Variants in LRRCC1 observed in about 807,000 individuals in gnomAD.
LRRCC1 encodes leucine-rich repeat and coiled-coil domain-containing protein 1.
Under a neutral mutation model 126.0 loss-of-function variants are expected in LRRCC1, and 115 were observed. The ratio of observed to expected loss-of-function variants is 0.91; its 90% CI spans 0.78 to 1.07. LRRCC1 has a LOEUF of 1.07. Ranked by LOEUF, LRRCC1 falls within the 50% of genes least tolerant of loss-of-function variation. LRRCC1 has a pLI of 0.00. For synonymous variants in LRRCC1, 400 were observed against 393.4 expected, an observed-to-expected ratio of 1.02 and a Z score of -0.20; for missense variants, 1,172 against 1,175.7, an observed-to-expected ratio of 1.00 and a Z score of 0.05.
At chr8:85,140,524 A>G (rs929706288) in intron 17 of LRRCC1, among the ~76,000 whole-genome samples, 7 of 152,180 alleles carry the variant, frequency 4.6e-5, no homozygotes, top group Non-Finnish European at 1.5e-5. Flanking sequence ...CTTTTTATGA[A>G]TGTTACTTTT....
chr8:85,132,662 G>A (rs1810571151), intron 12 of LRRCC1, among the ~76,000 whole-genome samples: 1 of 152,088 alleles, frequency 6.6e-6, no homozygotes, highest in Admixed American at 6.5e-5. Flanking sequence ...CAAAGTCCTG[G>A]GATTACAGGC....
chr8:85,135,563 A>T (rs1240077378), intron 13 of LRRCC1, among the ~76,000 whole-genome samples: 4 of 152,138 alleles, frequency 2.6e-5, no homozygotes, highest in African/African-American at 7.2e-5. Context: ...TCTCTTTAAC[A>T]ATTTTAGAAT....
chr8:85,132,375 C>CTTTTT lies in LRRCC1; in HGVS notation c.1968+438_1968+442dup, dbSNP rs551423793. ...TTACAAAAGCACAGTTGAGTACTTT[C>CTTTTT]TTTTTTTTTTTTTTTTTTTTTTTTT... On this transcript the variant is annotated intron_variant, in intron 12 of 18. Transcript: ENST00000360375. 5.0e-3 allele frequency among the ~76,000 whole-genome samples: 552 copies of CTTTTT among 109,930 alleles called. 2 individuals carry two copies. Among genetic ancestry groups the CTTTTT allele is most frequent in the East Asian group, 6.6e-3 (24 of 3,618 alleles). The allele number at this position is 109,930 out of a possible 152,430, so 72.1% of individuals were successfully genotyped here.
In LRRCC1 at chr8:85,117,254, A is replaced by C. The variant is rs1809194165; in HGVS notation, c.930+1670A>C. On this transcript the variant is annotated intron_variant, in intron 6 of 18. Coordinates refer to ENST00000360375, the MANE Select transcript of LRRCC1 (RefSeq NM_033402.5). ...TTATTTGCAAGATAGTTGAGCTCCA[A>C]ATTCATATAGCTCCTTATGTCCAAT... Among the ~76,000 whole-genome samples, 3 of 152,190 alleles carry C rather than the reference A, an allele frequency of 2.0e-5. No individual in the cohort carries two copies. In the South Asian group the frequency reaches 6.2e-4, roughly 31 times the overall value.
At chr8:85,127,978 C>T (rs946795474) in intron 9 of LRRCC1, among the ~76,000 whole-genome samples, 1 of 152,194 alleles carries the variant, frequency 6.6e-6, no homozygotes, top group Non-Finnish European at 1.5e-5. Context: ...GAGTAACCAA[C>T]ATTATGTAGT....
chr8:85,119,827 T>G (rs1450297949), intron 6 of LRRCC1, among the ~76,000 whole-genome samples: 2 of 152,142 alleles, frequency 1.3e-5, no homozygotes, highest in African/African-American at 4.8e-5. Context: ...ACTTAGGTCA[T>G]CGATTTTAGA....
Position 85,137,474 on chromosome 8 carries a change from A to G in LRRCC1, c.2340A>G (p.Leu780=), listed in dbSNP as rs574150443. The G allele has an allele frequency of 1.0e-4, 156 of 1,558,922 alleles. No homozygotes were observed. The Middle Eastern group carries it at 1.9e-3, about 19-fold the overall frequency. The part of the protein sequence containing the change: ...GHELAQQGSS[L]AQNRGKLEAQ... Reference sequence around the variant, plus strand: ...ATTTTTGTTTCTTAGGATCTTCTCTAGCCCAAAATCGTGGAAAATTGGAGG... The same window carrying G: ...ATTTTTGTTTCTTAGGATCTTCTCTGGCCCAAAATCGTGGAAAATTGGAGG... Residue 780 remains leucine (L), a synonymous_variant, in exon 15 of 19, where the codon CTA becomes CTG. Transcript: ENST00000360375.
At chr8:85,144,480 T>A (rs1488403272) in intron 18 of LRRCC1, among the ~76,000 whole-genome samples, 41 of 139,928 alleles carry the variant, frequency 2.9e-4, no homozygotes, top group East Asian at 4.5e-4. Context: ...ATATATTTTT[T>A]TTTTTTTTGA....
intron 9 of LRRCC1, 65 bp from the exon 10 acceptor site, chr8:85,129,110 A>C: frequency 8.6e-7 from 1 of 1,161,268 alleles, no homozygotes; most frequent in Non-Finnish European, 1.2e-6. Flanking sequence ...CTCTCATTGA[A>C]GTCAACAATT....
At chr8:85,128,004 A>T (rs1810144477) in intron 9 of LRRCC1, among the ~76,000 whole-genome samples, 1 of 152,198 alleles carries the variant, frequency 6.6e-6, no homozygotes, top group African/African-American at 2.4e-5. Context: ...ATTTATAGAG[A>T]TCTTGTGACT....
chr8:85,108,453 C>T (rs546991449), intron 1 of LRRCC1, among the ~76,000 whole-genome samples: 5 of 152,204 alleles, frequency 3.3e-5, no homozygotes, highest in Non-Finnish European at 7.3e-5. Context: ...TTATACACTT[C>T]ATGAAGAATT....
intron 6 of LRRCC1, among the ~76,000 whole-genome samples, chr8:85,119,114 A>C (rs1222241569): frequency 6.6e-6 from 1 of 152,056 alleles, no homozygotes; most frequent in Non-Finnish European, 1.5e-5. Context: ...TTCTTGAAAA[A>C]AAAAATCAAA....
intron 8 of LRRCC1, among the ~76,000 whole-genome samples, chr8:85,125,239 G>A (rs1020863831): frequency 6.6e-6 from 1 of 151,640 alleles, no homozygotes; most frequent in Admixed American, 6.6e-5. Context: ...CTTTTTTTGG[G>A]TGTCAGACCC....
intron 11 of LRRCC1, 75 bp downstream of exon 11, chr8:85,130,133 G>T: frequency 4.8e-5 from 45 of 935,072 alleles, no homozygotes; most frequent in Non-Finnish European, 6.0e-5. Flanking sequence ...CCCACTACCA[G>T]TATTTTTTTT....
chr8:85,124,315 A>C (rs1809796176), intron 7 of LRRCC1, among the ~76,000 whole-genome samples: 1 of 152,078 alleles, frequency 6.6e-6, no homozygotes, highest in Admixed American at 6.5e-5. Context: ...ATATATACCC[A>C]CACACACAGA....
chr8:85,110,020 C>T (rs1350397987), intron 2 of LRRCC1, 95 bp from the exon 3 acceptor site: 1 of 652,178 alleles, frequency 1.5e-6, no homozygotes, highest in Non-Finnish European at 2.6e-6. Context: ...GGATTTACTT[C>T]AGAACAGTCT....
chr8:85,142,382 G>C (rs1267720932), intron 18 of LRRCC1, among the ~76,000 whole-genome samples: 1 of 152,098 alleles, frequency 6.6e-6, no homozygotes, highest in African/African-American at 2.4e-5. Context: ...TAATTCCACA[G>C]GTGATTCTTA....
At chr8:85,127,010 C>T (rs1810064545) in intron 9 of LRRCC1, among the ~76,000 whole-genome samples, 173 bp downstream of exon 9, 1 of 152,080 alleles carries the variant, frequency 6.6e-6, no homozygotes, top group Non-Finnish European at 1.5e-5. Flanking sequence ...GTTATATCAA[C>T]AAGAAATTCA....
At chr8:85,121,991 C>A (rs1809598142) in intron 6 of LRRCC1, among the ~76,000 whole-genome samples, 2 of 152,180 alleles carry the variant, frequency 1.3e-5, no homozygotes, top group African/African-American at 4.8e-5. Context: ...TGTAGCGTTA[C>A]ATCTGTGGAT....
Sources: gnomAD v4.1 joint callset for allele counts (sites outside exome capture counted in the v4.1 genomes callset) on GRCh38, gnomAD v4.1.1 for gene constraint, MANE v1.5 for transcripts, NCBI Gene and HGNC (gene_info 2026-07-23, HGNC 2026-07-21) for gene names.